Variants in BRWD1 observed in about 807,000 individuals in gnomAD.
The protein encoded by BRWD1 is bromodomain and WD repeat domain containing 1, also known as bromodomain and WD repeat-containing protein 1.
In BRWD1, 82 loss-of-function variants were observed where a neutral mutation model predicts 251.2. That is an observed-to-expected ratio of 0.33 (90% CI 0.27 to 0.39). The LOEUF is 0.39. Ranked by LOEUF, BRWD1 falls within the 10% of genes least tolerant of loss-of-function variation. The pLI is 1.00. For missense variants in BRWD1, 2,233 were observed against 2,711.6 expected, an observed-to-expected ratio of 0.82 and a Z score of 3.92; for synonymous variants, 918 against 902.8, an observed-to-expected ratio of 1.02 and a Z score of -0.30.
Position 39,277,300 on chromosome 21 carries a change from A to G in BRWD1, c.1055T>C (p.Phe352Ser). The change falls in exon 11 of 41, where the codon TTT (phenylalanine) becomes TCT (serine). Residue 352 changes from phenylalanine (F) to serine (S), a missense_variant. Around this residue, in one of 12 missense-constraint regions of BRWD1, gnomAD observed 315 missense variants for 421.8 expected, o/e 0.75. Transcript: ENST00000342449. Reference protein sequence around the residue: ...GSTDHVIRMYFLGFEAPEKIA... With the variant: ...GSTDHVIRMYSLGFEAPEKIA... ...TTTTTCGGGTGCTTCAAAACCCAAA[A>G]AATACATTCTGATTACATGATCAGT... 1 of 1,611,816 alleles carries G rather than the reference A, an allele frequency of 6.2e-7. No individual in the cohort carries two copies.
chr21:39,318,579 C>CTTCA (rs974852214), upstream of BRWD1, among the ~76,000 whole-genome samples: 6 of 152,302 alleles, frequency 3.9e-5, no homozygotes, highest in African/African-American at 1.2e-4. Flanking sequence ...ACCTGGATCA[C>CTTCA]TTCATTCATT....
intron 4 of BRWD1, among the ~76,000 whole-genome samples, chr21:39,304,701 A>G (rs1186459088): frequency 6.6e-6 from 1 of 152,180 alleles, no homozygotes; most frequent in South Asian, 2.1e-4. Context: ...TAAACTTTAA[A>G]CATGTGAACA....
rs2031339979 is a variant in BRWD1 at position 39,187,972 on chromosome 21, T to A, written c.*8287A>T. On this transcript the variant is annotated 3_prime_UTR_variant, in exon 41 of 41. Transcript: ENST00000342449. ...AGGGATTTGCCAGACAAAAAGCACT[T>A]TGGAGAGTTAACTACTTCATGCAGA... The A allele has an allele frequency of 2.0e-6, 2 of 985,176 alleles. No homozygotes were observed. The highest frequency in any genetic ancestry group is 2.4e-6 in the Non-Finnish European group (2 of 829,844). The allele number at this position is 985,176 out of a possible 1,614,324, so 61.0% of individuals were successfully genotyped here.
At chr21:39,205,849 G>A (rs1023424008) in intron 37 of BRWD1, among the ~76,000 whole-genome samples, 1 of 152,074 alleles carries the variant, frequency 6.6e-6, no homozygotes, top group Non-Finnish European at 1.5e-5. Flanking sequence ...GGAGGCCAAG[G>A]TGGGTGGATC....
At chr21:39,206,050 T>G in intron 37 of BRWD1, 58 bp downstream of exon 37, 1 of 1,521,172 alleles carries the variant, frequency 6.6e-7, no homozygotes, top group East Asian at 2.3e-5. Flanking sequence ...GGTGACACAG[T>G]GAGACTCTCT....
chr21:39,196,451 T>A lies in BRWD1; in HGVS notation c.6618A>T (p.Arg2206Ser). ...ANISKTVRRQ[R>S]QSKRPRLSVD... ...CACTTAACCTAGGGCGTTTGCTTTG[T>A]CTTTGACGTCTCACAGTTTTAGATA... Residue 2206 changes from arginine (R) to serine (S), a missense_variant, in exon 41 of 41, where the codon AGA (arginine) becomes AGT (serine). Arg to Ser is a moderately radical substitution (Grantham distance 110, BLOSUM62 -1). Around this residue, in one of 12 missense-constraint regions of BRWD1, gnomAD observed 928 missense variants for 970.0 expected, o/e 0.96. Coordinates refer to ENST00000342449, the MANE Select transcript of BRWD1 (RefSeq NM_033656.4). 2 of 1,613,502 alleles carry A rather than the reference T, an allele frequency of 1.2e-6. No individual in the cohort carries two copies. The highest frequency in any genetic ancestry group is 1.7e-4 in the Middle Eastern group (1 of 6,060).
At position 39,192,150 on chromosome 21, in the gene BRWD1, C is replaced by G. The variant is rs2031585691; in HGVS notation, c.*4109G>C. On this transcript the variant is annotated 3_prime_UTR_variant, in exon 41 of 41. Transcript: ENST00000342449. ...CAGATTATGAAAAAGGTAAAAATCT[C>G]TTACTTTTGAGAATCCCCATGTATC... The G allele has an allele frequency of 1.0e-6, 1 of 985,024 alleles. No homozygotes were observed. Among genetic ancestry groups the G allele is most frequent in the Admixed American group, 6.2e-5 (1 of 16,240 alleles). The allele number at this position is 985,024 out of a possible 1,614,324, so 61.0% of individuals were successfully genotyped here.
In BRWD1 at chr21:39,213,551, T is replaced by C. The variant is rs752901254; in HGVS notation, c.3788A>G (p.Asn1263Ser). Residue 1263 changes from asparagine (N) to serine (S), a missense_variant and splice_region_variant, in exon 33 of 41, where the codon AAT becomes AGT. Around this residue, in one of 12 missense-constraint regions of BRWD1, gnomAD observed 167 missense variants for 183.2 expected, o/e 0.91. Transcript: ENST00000342449. ...ITDQLLKFIK[N>S]QHCTNISELS... is the part of the protein sequence containing the mutation. ...TTCTGAGATATTTGTACAGTGTTGATTCCTAAAAAACAAATTTTCACTTTA... is the reference window on the plus strand; with the variant it reads ...TTCTGAGATATTTGTACAGTGTTGACTCCTAAAAAACAAATTTTCACTTTA... 1.2e-6 allele frequency: 2 copies of C among 1,603,766 alleles called. No homozygotes were observed. Among genetic ancestry groups the C allele is most frequent in the East Asian group, 2.2e-5 (1 of 44,638 alleles).
intron 19 of BRWD1, among the ~76,000 whole-genome samples, chr21:39,252,651 T>C (rs1424455992): frequency 6.6e-6 from 1 of 152,222 alleles, no homozygotes; most frequent in Non-Finnish European, 1.5e-5. Context: ...AGCTATGTTC[T>C]TTTTTGTGAA....
intron 36 of BRWD1, among the ~76,000 whole-genome samples, chr21:39,209,052 A>G (rs1215286561): frequency 6.6e-6 from 1 of 152,158 alleles, no homozygotes. Flanking sequence ...TGAGATAAGA[A>G]GAACTGGCTG....
intron 21 of BRWD1, among the ~76,000 whole-genome samples, chr21:39,246,993 G>A (rs1484907739): frequency 3.3e-5 from 5 of 151,914 alleles, no homozygotes; most frequent in African/African-American, 4.8e-5. Flanking sequence ...CAGAAGAATC[G>A]CTTGAACCCG....
At chr21:39,280,559 G>A (rs2035424379) in intron 8 of BRWD1, among the ~76,000 whole-genome samples, 1 of 151,892 alleles carries the variant, frequency 6.6e-6, no homozygotes, top group Non-Finnish European at 1.5e-5. Flanking sequence ...AGACAAAACA[G>A]GGTACACTGA....
At position 39,199,555 on chromosome 21, in the gene BRWD1, T is replaced by C. The variant is rs778393829; in HGVS notation, c.4861A>G (p.Arg1621Gly). The change falls in exon 40 of 41, where the codon AGA becomes GGA. Residue 1621 changes from arginine to glycine, a missense_variant. Around this residue, in one of 12 missense-constraint regions of BRWD1, gnomAD observed 928 missense variants for 970.0 expected, o/e 0.96. Transcript: ENST00000342449. ...SLETGEILKA[R>G]AGNNRKVLRK... is the part of the protein sequence containing the mutation. Reference sequence around the variant, plus strand: ...AAGACTTTTCGGTTATTTCCAGCTCTGGCTTTTAGAATTTCACCAGTCTCC... The same window carrying C: ...AAGACTTTTCGGTTATTTCCAGCTCCGGCTTTTAGAATTTCACCAGTCTCC... The C allele has an allele frequency of 7.4e-6, 12 of 1,614,210 alleles. No individual in the cohort carries two copies. The South Asian group carries it at 1.2e-4, about 16-fold the overall frequency.
chr21:39,237,121 A>G (rs1404417791), intron 22 of BRWD1, among the ~76,000 whole-genome samples: 2 of 152,206 alleles, frequency 1.3e-5, no homozygotes, highest in Non-Finnish European at 2.9e-5. Context: ...TTATAGAAAC[A>G]TAAGAATCAT....
rs114795970 is a variant in BRWD1, at chr21:39,290,182, C to G, written c.831+3629G>C. On this transcript the variant is annotated intron_variant, in intron 8 of 40. Transcript: ENST00000342449. Reference sequence around the variant, plus strand: ...TCTCTTCAGTTTCATCAGTTGTGTTCAGATGCTGTTAAAATCACCCACTGA... The same window carrying G: ...TCTCTTCAGTTTCATCAGTTGTGTTGAGATGCTGTTAAAATCACCCACTGA... 3.4e-3 allele frequency among the ~76,000 whole-genome samples: 515 copies of G among 152,048 alleles called. 3 individuals are homozygous for G. The highest frequency in any genetic ancestry group is 0.012 in the African/African-American group (497 of 41,484).
chr21:39,201,636 T>A (rs1476279582), intron 38 of BRWD1, among the ~76,000 whole-genome samples: 1 of 152,220 alleles, frequency 6.6e-6, no homozygotes, highest in East Asian at 1.9e-4. Flanking sequence ...ATACTCTGAT[T>A]GGACATTCCA....
chr21:39,194,576 G>T lies in BRWD1; in HGVS notation c.*1683C>A. ...TTTCCCACCTATCTCAGTTGATAAT[G>T]TCCAAAAACATCCTTCCCCATGCAT... is the stretch of plus-strand genomic sequence containing the variant. On this transcript the variant is annotated 3_prime_UTR_variant, in exon 41 of 41. Coordinates refer to ENST00000342449, the MANE Select transcript of BRWD1 (RefSeq NM_033656.4). The T allele has an allele frequency of 6.8e-7, 1 of 1,468,744 alleles. No homozygotes were observed. Among genetic ancestry groups the T allele is most frequent in the Non-Finnish European group, 9.0e-7 (1 of 1,114,642 alleles). 91.0% of individuals were successfully genotyped at this position (1,468,744 alleles called of 1,614,324 possible).
rs919574981 is a variant in BRWD1 at position 39,190,924 on chromosome 21, G to C, written c.*5335C>G. ...AACTCTGAATTTTTGTTCTTATTCT[G>C]GAACTACAACTAATCTAGCTCATCA... On this transcript the variant is annotated 3_prime_UTR_variant, in exon 41 of 41. Coordinates refer to ENST00000342449, the MANE Select transcript of BRWD1 (RefSeq NM_033656.4). 12 of 985,134 alleles carry C rather than the reference G, an allele frequency of 1.2e-5. No individual in the cohort carries two copies. The highest frequency in any genetic ancestry group is 1.4e-5 in the Non-Finnish European group (12 of 829,840). 61.0% of individuals were successfully genotyped at this position (985,134 alleles called of 1,614,324 possible). A position where few individuals can be genotyped will look rare whatever the true frequency, so the allele number is the denominator to read the frequency against.
intron 37 of BRWD1, among the ~76,000 whole-genome samples, chr21:39,205,370 G>A (rs987242856): frequency 4.6e-5 from 7 of 152,030 alleles, no homozygotes; most frequent in African/African-American, 1.7e-4. Flanking sequence ...CCAACTACTC[G>A]GGAAGCTGAG....
Sources: gnomAD v4.1 joint callset for allele counts (sites outside exome capture counted in the v4.1 genomes callset) on GRCh38, gnomAD v4.1.1 for gene constraint, gnomAD v4.1.1 regional missense constraint, MANE v1.5 for transcripts, NCBI Gene and HGNC (gene_info 2026-07-23, HGNC 2026-07-21) for gene names.